The following ZNF354B variants were observed in gnomAD, a reference collection of about 807,000 sequenced individuals.
ZNF354B encodes zinc finger protein 354B.
ZNF354B carries 10 observed loss-of-function variants against 12.9 expected under a neutral mutation model. The observed-to-expected ratio is 0.77, with a 90% CI of 0.48 to 1.31. The LOEUF (loss-of-function observed/expected upper bound fraction) is 1.31, where lower values mean the gene tolerates loss of function less well. Ranked by LOEUF, ZNF354B falls within the 40% of genes most tolerant of loss-of-function variation. ZNF354B has a pLI of 0.00. For synonymous variants in ZNF354B, 260 were observed against 243.7 expected (o/e 1.07, Z -0.62); for missense variants, 614 against 711.7 (o/e 0.86, Z 1.56).
chr5:178,882,251 G>C (rs1244884172), intron 4 of ZNF354B, among the ~76,000 whole-genome samples: 1 of 152,206 alleles, frequency 6.6e-6, no homozygotes, highest in South Asian at 2.1e-4. Flanking sequence ...AATAAGGGGA[G>C]TGAGTTGTTG....
At chr5:178,866,764 C>T (rs1356992914) in intron 3 of ZNF354B, among the ~76,000 whole-genome samples, 1 of 152,104 alleles carries the variant, frequency 6.6e-6, no homozygotes, top group African/African-American at 2.4e-5. Context: ...CTTGTAAAAT[C>T]CATCTTCAAA....
chr5:178,877,901 T>C (rs1307544435), intron 4 of ZNF354B, among the ~76,000 whole-genome samples: 1 of 152,252 alleles, frequency 6.6e-6, no homozygotes, highest in Non-Finnish European at 1.5e-5. Context: ...GGTGGATAGA[T>C]AGAACCTTGG....
At position 178,860,007 on chromosome 5, in the gene ZNF354B, G is replaced by C. The variant is rs1327167657; in HGVS notation, c.-172G>C. 6.6e-6 allele frequency: 1 copy of C among 152,332 alleles called. No homozygotes were observed. The highest frequency in any genetic ancestry group is 1.5e-5 in the Non-Finnish European group (1 of 68,100). 9.4% of individuals were successfully genotyped at this position (152,332 alleles called of 1,614,324 possible). ...GCGCTCTGCGGAGCTTTCGCTGCCC[G>C]GTGAGCGGCGCCGGGCTTGAGGTCG... On this transcript the variant is annotated 5_prime_UTR_variant, in exon 1 of 5. Coordinates refer to ENST00000322434, the MANE Select transcript of ZNF354B (RefSeq NM_058230.3).
At position 178,883,297 on chromosome 5, in the gene ZNF354B, G is replaced by T; in HGVS notation, c.845G>T (p.Ser282Ile). 2 of 1,613,890 alleles carry T rather than the reference G, an allele frequency of 1.2e-6. No homozygotes were observed. Among genetic ancestry groups the T allele is most frequent in the Non-Finnish European group, 1.7e-6 (2 of 1,179,922 alleles). The change falls in exon 5 of 5, where the codon AGT (serine) becomes ATT (isoleucine). Residue 282 changes from serine (S) to isoleucine (I), a missense_variant. Physicochemically the swap from Ser to Ile is moderately radical, Grantham distance 142. Coordinates refer to ENST00000322434, the MANE Select transcript of ZNF354B (RefSeq NM_058230.3). ...CKECGKAFSH[S>I]ASLCKHLRTH... Reference sequence around the variant, plus strand: ...GAATGTGGGAAAGCCTTCAGCCATAGTGCATCCCTTTGTAAGCATTTAAGG... The same window carrying T: ...GAATGTGGGAAAGCCTTCAGCCATATTGCATCCCTTTGTAAGCATTTAAGG...
intron 4 of ZNF354B, among the ~76,000 whole-genome samples, chr5:178,871,263 C>T (rs112920938): frequency 0.15 from 22,558 of 152,144 alleles, 2,042 homozygotes; most frequent in African/African-American, 0.25. Flanking sequence ...TCTGATCACC[C>T]TTGGCCGCCC....
At chr5:178,864,832 A>T (rs915588554) in intron 2 of ZNF354B, among the ~76,000 whole-genome samples, 1 of 152,094 alleles carries the variant, frequency 6.6e-6, no homozygotes, top group Non-Finnish European at 1.5e-5. Flanking sequence ...CGTGTTGCCC[A>T]GGCTGGTCTC....
chr5:178,879,943 C>T (rs947364723), intron 4 of ZNF354B, among the ~76,000 whole-genome samples: 9 of 151,400 alleles, frequency 5.9e-5, no homozygotes, highest in East Asian at 2.0e-4. Flanking sequence ...CTGGCTAACA[C>T]GGCAAAACCC....
In ZNF354B at chr5:178,866,438, TA is replaced by T; in HGVS notation, c.160+72del. ...ATATCTCAGCACCTCCTTCCCTGAA[TA>T]AAAGCAGTTGATCACTGAAAAATTT... is the stretch of plus-strand genomic sequence containing the variant. On this transcript the variant is annotated intron_variant, in intron 3 of 4. Coordinates refer to ENST00000322434, the MANE Select transcript of ZNF354B (RefSeq NM_058230.3). 9 of 1,548,622 alleles carry T rather than the reference TA, an allele frequency of 5.8e-6. No homozygotes were observed. The South Asian group carries it at 1.1e-4, about 20-fold the overall frequency.
chr5:178,862,023 A>G (rs1366021855), intron 2 of ZNF354B, among the ~76,000 whole-genome samples: 1 of 152,184 alleles, frequency 6.6e-6, no homozygotes, highest in Non-Finnish European at 1.5e-5. Context: ...ATGTTGGTAG[A>G]TAGAAACTGC....
chr5:178,864,488 A>T (rs1054023239), intron 2 of ZNF354B, among the ~76,000 whole-genome samples: 1 of 152,162 alleles, frequency 6.6e-6, no homozygotes, highest in Admixed American at 6.5e-5. Context: ...TCCATCGTTA[A>T]TGCGACACAC....
At chr5:178,871,087 T>A (rs1445672506) in intron 4 of ZNF354B, among the ~76,000 whole-genome samples, 2 of 152,316 alleles carry the variant, frequency 1.3e-5, no homozygotes, top group African/African-American at 4.8e-5. Flanking sequence ...ATTATCTATT[T>A]AAAGAGTAAA....
chr5:178,880,895 T>G (rs940422303), intron 4 of ZNF354B, among the ~76,000 whole-genome samples: 2 of 139,842 alleles, frequency 1.4e-5, no homozygotes, highest in African/African-American at 5.3e-5. Flanking sequence ...CAGGCTGGAC[T>G]GCAGTGGTGT....
chr5:178,869,444 C>T (rs572194098), intron 4 of ZNF354B, among the ~76,000 whole-genome samples: 150 of 152,088 alleles, frequency 9.9e-4, no homozygotes, highest in African/African-American at 3.4e-3. Context: ...CAAAGTAAGC[C>T]GAATGCAAGC....
intron 2 of ZNF354B, among the ~76,000 whole-genome samples, chr5:178,862,885 A>G (rs1757383846): frequency 6.6e-6 from 1 of 152,176 alleles, no homozygotes; most frequent in Admixed American, 6.5e-5. Context: ...ATGCGTCAGT[A>G]ATGTGTAGAC....
intron 4 of ZNF354B, among the ~76,000 whole-genome samples, chr5:178,878,186 A>G (rs1315025420): frequency 6.6e-6 from 1 of 152,044 alleles, no homozygotes; most frequent in Non-Finnish European, 1.5e-5. Flanking sequence ...GATCGAGACC[A>G]TCCTGGCTAA....
chr5:178,884,110 A>G lies in ZNF354B; in HGVS notation c.1658A>G (p.Asn553Ser), dbSNP rs1183203986. The G allele has an allele frequency of 6.2e-7, 1 of 1,613,986 alleles. No homozygotes were observed. The highest frequency in any genetic ancestry group is 1.3e-5 in the African/African-American group (1 of 74,924). The part of the protein sequence containing the change: ...IHTGEKPFKC[N>S]TCGKTFRQSS... ...ACAGGAGAAAAACCCTTTAAATGTAATACATGTGGAAAAACTTTTAGACAA... is the reference window on the plus strand; with the variant it reads ...ACAGGAGAAAAACCCTTTAAATGTAGTACATGTGGAAAAACTTTTAGACAA... The change falls in exon 5 of 5, where the codon AAT (asparagine) becomes AGT (serine). Residue 553 changes from asparagine to serine, a missense_variant. Physicochemically the swap from Asn to Ser is conservative, Grantham distance 46 (BLOSUM62 1). Coordinates refer to ENST00000322434, the MANE Select transcript of ZNF354B (RefSeq NM_058230.3).
chr5:178,865,941 C>T (rs1757441432), intron 2 of ZNF354B, among the ~76,000 whole-genome samples: 1 of 152,084 alleles, frequency 6.6e-6, no homozygotes, highest in African/African-American at 2.4e-5. Flanking sequence ...AAAGATTATA[C>T]ATAGTTCTAA....
chr5:178,870,208 G>A (rs1709026581), intron 4 of ZNF354B, among the ~76,000 whole-genome samples: 1 of 152,158 alleles, frequency 6.6e-6, no homozygotes, highest in African/African-American at 2.4e-5. Flanking sequence ...AACAGCCAGT[G>A]ATAGAAAAAC....
At chr5:178,878,381 T>C (rs973923232) in intron 4 of ZNF354B, among the ~76,000 whole-genome samples, 1 of 144,500 alleles carries the variant, frequency 6.9e-6, no homozygotes, top group Non-Finnish European at 1.5e-5. Context: ...AGACTCCGTC[T>C]CAAAAAAAAA....
Sources: gnomAD v4.1 joint callset for allele counts (sites outside exome capture counted in the v4.1 genomes callset) on GRCh38, gnomAD v4.1.1 for gene constraint, MANE v1.5 for transcripts, NCBI Gene and HGNC (gene_info 2026-07-23, HGNC 2026-07-21) for gene names.